Variants in FREM3 observed in about 807,000 individuals in gnomAD.
The protein encoded by FREM3 is FRAS1 related extracellular matrix 3.
Under a neutral mutation model 129.1 loss-of-function variants are expected in FREM3, and 105 were observed. The ratio of observed to expected loss-of-function variants is 0.81; its 90% CI spans 0.69 to 0.96. FREM3 has a LOEUF of 0.96. Among genes scored for constraint, FREM3 ranks in the 40% least tolerant of loss-of-function variants. The pLI, the probability that FREM3 is intolerant of heterozygous loss-of-function variation, is 0.00. For missense variants in FREM3, 2,593 were observed against 2,666.3 expected (o/e 0.97, Z 0.61); for synonymous variants, 1,014 against 1,044.9 (o/e 0.97, Z 0.57).
At chr4:143,658,869 G>A (rs1024981792) in intron 2 of FREM3, among the ~76,000 whole-genome samples, 1 of 151,976 alleles carries the variant, frequency 6.6e-6, no homozygotes, top group African/African-American at 2.4e-5. Context: ...AACTCTGGCC[G>A]CAGCCTCTGC....
intron 3 of FREM3, 119 bp downstream of exon 3, chr4:143,627,495 T>A: frequency 1.1e-6 from 1 of 901,248 alleles, no homozygotes; most frequent in Non-Finnish European, 1.7e-6. Flanking sequence ...GACACTTTTT[T>A]AGAGATTTCT....
In FREM3 at chr4:143,679,988, T is replaced by C. The variant is rs568323199; in HGVS notation, c.5275+13125A>G. ...TAAGCTAGAATAATGTGGTTAGTCA[T>C]ATTAATCAATATTATTGAACGAAGT... On this transcript the variant is annotated intron_variant, in intron 2 of 7. Transcript: ENST00000329798. Among the ~76,000 whole-genome samples, 41 of 152,258 alleles carry C rather than the reference T, an allele frequency of 2.7e-4. No homozygotes were observed. In the South Asian group the frequency reaches 8.1e-3, roughly 30 times the overall value.
intron 6 of FREM3, among the ~76,000 whole-genome samples, chr4:143,607,765 G>C (rs995579840): frequency 6.6e-6 from 1 of 152,118 alleles, no homozygotes; most frequent in Non-Finnish European, 1.5e-5. Context: ...GATGGTATTA[G>C]TTTCCTTTTG....
In FREM3 at chr4:143,615,494, C is replaced by G. The variant is rs552652033; in HGVS notation, c.5780-3967G>C. 4.6e-5 allele frequency among the ~76,000 whole-genome samples: 7 copies of G among 152,144 alleles called. No individual in the cohort carries two copies. The South Asian group carries it at 1.2e-3, about 27-fold the overall frequency. On this transcript the variant is annotated intron_variant, in intron 5 of 7. Transcript: ENST00000329798. ...TGATGATTGAAGGGTGGTGGGAGAACCAGAGGAGAGAGGAGGAGGGTAGCA... is the reference window on the plus strand; with the variant it reads ...TGATGATTGAAGGGTGGTGGGAGAAGCAGAGGAGAGAGGAGGAGGGTAGCA...
Position 143,696,407 on chromosome 4 carries a change from G to A in FREM3, c.4269C>T (p.Asp1423=), listed in dbSNP as rs959936749. ...HYFYVTIGNL[D]SVFPEVISKR... The stretch of plus-strand genomic sequence containing the variant: ...TGCTGATTACCTCAGGGAAGACGCT[G>A]TCTAAGTTGCCAATGGTGACATAGA... The change falls in exon 1 of 8, where the codon GAC becomes GAT. Residue 1423 remains aspartate (D), a synonymous_variant. Transcript: ENST00000329798. 6.5e-7 allele frequency: 1 copy of A among 1,537,484 alleles called. No homozygotes were observed. Among genetic ancestry groups the A allele is most frequent in the African/African-American group, 1.4e-5 (1 of 73,160 alleles).
At chr4:143,654,739 G>A (rs1239678951) in intron 2 of FREM3, among the ~76,000 whole-genome samples, 1 of 152,134 alleles carries the variant, frequency 6.6e-6, no homozygotes, top group Non-Finnish European at 1.5e-5. Flanking sequence ...TAATCTGGAG[G>A]GGCCCCATTT....
intron 2 of FREM3, among the ~76,000 whole-genome samples, chr4:143,673,504 T>TG (rs949598894): frequency 6.6e-6 from 1 of 152,158 alleles, no homozygotes; most frequent in East Asian, 1.9e-4. Context: ...CTGCCCCTAC[T>TG]GGGGGGTGCC....
At chr4:143,657,863 T>C (rs1317281372) in intron 2 of FREM3, among the ~76,000 whole-genome samples, 2 of 152,200 alleles carry the variant, frequency 1.3e-5, no homozygotes, top group Non-Finnish European at 2.9e-5. Flanking sequence ...CATTATTCTC[T>C]GCCACCATGT....
chr4:143,685,828 G>A (rs1274968662), intron 2 of FREM3, among the ~76,000 whole-genome samples: 1 of 151,986 alleles, frequency 6.6e-6, no homozygotes, highest in Non-Finnish European at 1.5e-5. Context: ...CATGGACACA[G>A]CTGTGGGGGG....
chr4:143,655,256 C>T (rs914749099), intron 2 of FREM3, among the ~76,000 whole-genome samples: 8 of 152,046 alleles, frequency 5.3e-5, no homozygotes, highest in African/African-American at 9.7e-5. Flanking sequence ...ATTTAAAGCA[C>T]GAAAGGTGAA....
intron 2 of FREM3, among the ~76,000 whole-genome samples, chr4:143,676,318 A>C (rs1213678738): frequency 6.6e-6 from 1 of 152,214 alleles, no homozygotes; most frequent in Non-Finnish European, 1.5e-5. Flanking sequence ...AGATGCAGAA[A>C]AGGCCTTTGA....
intron 5 of FREM3, among the ~76,000 whole-genome samples, chr4:143,618,164 G>C (rs1263039432): frequency 6.6e-6 from 1 of 152,086 alleles, no homozygotes; most frequent in Non-Finnish European, 1.5e-5. Flanking sequence ...TCAGTGTCTG[G>C]CACGGAGTCA....
chr4:143,587,693 T>C (rs1738266324), intron 6 of FREM3, among the ~76,000 whole-genome samples: 1 of 152,202 alleles, frequency 6.6e-6, no homozygotes, highest in Admixed American at 6.5e-5. Flanking sequence ...TGGATGTCAG[T>C]ACTCTTTGGT....
chr4:143,683,989 C>G (rs571251211), intron 2 of FREM3, among the ~76,000 whole-genome samples: 1 of 152,298 alleles, frequency 6.6e-6, no homozygotes, highest in Non-Finnish European at 1.5e-5. Flanking sequence ...TTCCCCACAG[C>G]AGCTGCTGCA....
chr4:143,668,836 C>G, intron 2 of FREM3, among the ~76,000 whole-genome samples: 1 of 152,288 alleles, frequency 6.6e-6, no homozygotes, highest in East Asian at 1.9e-4. Flanking sequence ...TAGAAAAACC[C>G]GAATCATTCT....
rs572722850 is a variant in FREM3 at position 143,693,890 on chromosome 4, A to G, written c.5186-688T>C. ...TCACGAACAGGAAACCAAATACTGC[A>G]TATTCTCACTTATAAATGGGAATTT... On this transcript the variant is annotated intron_variant, in intron 1 of 7. Transcript: ENST00000329798. Among the ~76,000 whole-genome samples the G allele has an allele frequency of 2.6e-5, 4 of 152,272 alleles. No homozygotes were observed. The East Asian group carries it at 5.8e-4, about 22-fold the overall frequency.
In FREM3 at chr4:143,697,476, T is replaced by TTGTC; in HGVS notation, c.3196_3199dup (p.Asn1067ArgfsTer17). 1 of 1,537,246 alleles carries TTGTC rather than the reference T, an allele frequency of 6.5e-7. No individual in the cohort carries two copies. The highest frequency in any genetic ancestry group is 8.7e-7 in the Non-Finnish European group (1 of 1,146,892). On this transcript the variant is annotated frameshift_variant, in exon 1 of 8. Coordinates refer to ENST00000329798, the MANE Select transcript of FREM3 (RefSeq NM_001168235.2). LOFTEE classifies it high-confidence loss of function. The stretch of plus-strand genomic sequence containing the variant: ...CCCGACGAAGACCTTGGGTCCCACA[T>TTGTC]TGTCCACAGGCAGCACAGTTACTTG...
intron 2 of FREM3, among the ~76,000 whole-genome samples, chr4:143,690,535 C>T (rs775506642): frequency 2.6e-5 from 4 of 152,138 alleles, no homozygotes; most frequent in Non-Finnish European, 5.9e-5. Flanking sequence ...ACAACAACAA[C>T]ATCTCCTTCA....
chr4:143,630,073 C>T, intron 2 of FREM3, among the ~76,000 whole-genome samples: 1 of 152,100 alleles, frequency 6.6e-6, no homozygotes, highest in East Asian at 1.9e-4. Context: ...GTCACATGGA[C>T]CCAGGTTCTG....
Sources: allele counts gnomAD v4.1 joint callset (sites outside exome capture counted in the v4.1 genomes callset), GRCh38; gene constraint gnomAD v4.1.1; transcripts MANE v1.5; gene names NCBI Gene and HGNC (gene_info 2026-07-23, HGNC 2026-07-21).